Variants in TUBB observed in about 807,000 individuals in gnomAD.
TUBB encodes the protein tubulin beta class I.
TUBB carries 2 observed loss-of-function variants against 35.1 expected under a neutral mutation model. The observed-to-expected ratio is 0.06, with a 90% CI of 0.02 to 0.18. The LOEUF is 0.18. TUBB is among the 10% of genes least tolerant of loss of function. The pLI, the probability that TUBB is intolerant of heterozygous loss-of-function variation, is 1.00. For missense variants in TUBB, 50 were observed against 599.4 expected, an observed-to-expected ratio of 0.08 and a Z score of 9.57; for synonymous variants, 205 against 223.8, an observed-to-expected ratio of 0.92 and a Z score of 0.75.
Position 30,724,145 on chromosome 6 carries a change from C to T in TUBB, c.1083C>T (p.Leu361=), listed in dbSNP as rs1299358743. Residue 361 remains leucine (L), a synonymous_variant, in exon 4 of 4, where the codon CTC becomes CTT. Coordinates refer to ENST00000327892, the MANE Select transcript of TUBB (RefSeq NM_178014.4). The surrounding 1 kb of genome is among the most constrained non-coding windows in gnomAD (Gnocchi z 4.4). Reference sequence around the variant, plus strand: ...TCTGTGACATCCCACCTCGTGGCCTCAAGATGGCAGTCACCTTCATTGGCA... The same window carrying T: ...TCTGTGACATCCCACCTCGTGGCCTTAAGATGGCAGTCACCTTCATTGGCA... ...TAVCDIPPRG[L]KMAVTFIGNS... is the part of the protein sequence containing the mutation. The T allele has an allele frequency of 1.2e-6, 2 of 1,614,100 alleles. No homozygotes were observed. The highest frequency in any genetic ancestry group is 2.2e-5 in the East Asian group (1 of 44,888).
intron 2 of TUBB, 108 bp from the exon 3 acceptor site, chr6:30,722,810 C>T (rs1329208974): frequency 2.6e-6 from 3 of 1,161,118 alleles, no homozygotes; most frequent in East Asian, 2.4e-5. Flanking sequence ...CACCTGGTGG[C>T]GGGACCTGGA....
At chr6:30,720,671 C>A (rs919319913) in intron 1 of TUBB, 108 bp downstream of exon 1, 3 of 971,038 alleles carry the variant, frequency 3.1e-6, no homozygotes, top group Non-Finnish European at 4.7e-6. Context: ...TCAAGATTTG[C>A]CCCTCTCAAG....
chr6:30,722,777 T>C, intron 2 of TUBB, 132 bp downstream of exon 2: 1 of 1,123,412 alleles, frequency 8.9e-7, no homozygotes, highest in East Asian at 2.5e-5. Context: ...TGAACCACCG[T>C]CGGGGCCAAA....
At chr6:30,722,815 C>A in intron 2 of TUBB, 103 bp from the exon 3 acceptor site, 1 of 1,183,764 alleles carries the variant, frequency 8.4e-7, no homozygotes, top group Non-Finnish European at 1.2e-6. Flanking sequence ...GGTGGCGGGA[C>A]CTGGAATGAC....
chr6:30,720,569 A>T lies in TUBB; in HGVS notation c.57+6A>T. 1 of 1,609,060 alleles carries T rather than the reference A, an allele frequency of 6.2e-7. No individual in the cohort carries two copies. The highest frequency in any genetic ancestry group is 8.5e-7 in the Non-Finnish European group (1 of 1,178,104). On this transcript the variant is annotated splice_donor_region_variant and intron_variant, in intron 1 of 3. Transcript: ENST00000327892. ...GCAACCAGATCGGTGCCAAGGTAAG[A>T]ATTTTACACCTCTTTTATTTCTTTT...
chr6:30,721,529 C>G (rs1445907375), intron 1 of TUBB: 2 of 984,746 alleles, frequency 2.0e-6, no homozygotes, highest in African/African-American at 3.5e-5. Context: ...ATTTTTGTCC[C>G]TGGCCCCGCC....
rs543550861 is a variant in TUBB at position 30,720,370 on chromosome 6, C to T, written c.-137C>T. 369 of 808,004 alleles carry T rather than the reference C, an allele frequency of 4.6e-4. No individual in the cohort carries two copies. Among genetic ancestry groups the T allele is most frequent in the Non-Finnish European group, 7.0e-4 (330 of 468,318 alleles). The allele number at this position is 808,004 out of a possible 1,614,324, so 50.1% of individuals were successfully genotyped here. Reference sequence around the variant, plus strand: ...TTTCTCCCTCTCAGAACCTTCCTGCCGTCGCGTTTGCACCTCGCTGCTCCA... The same window carrying T: ...TTTCTCCCTCTCAGAACCTTCCTGCTGTCGCGTTTGCACCTCGCTGCTCCA... On this transcript the variant is annotated 5_prime_UTR_variant, in exon 1 of 4. Coordinates refer to ENST00000327892, the MANE Select transcript of TUBB (RefSeq NM_178014.4).
In TUBB at chr6:30,724,163, C is replaced by T. The variant is rs760402605; in HGVS notation, c.1101C>T (p.Phe367=). ...PPRGLKMAVT[F]IGNSTAIQEL... is the part of the protein sequence containing the mutation. ...GTGGCCTCAAGATGGCAGTCACCTTCATTGGCAATAGCACAGCCATCCAGG... is the reference window on the plus strand; with the variant it reads ...GTGGCCTCAAGATGGCAGTCACCTTTATTGGCAATAGCACAGCCATCCAGG... The change falls in exon 4 of 4, where the codon TTC becomes TTT. Residue 367 remains phenylalanine, a synonymous_variant. Transcript: ENST00000327892. The surrounding 1 kb of genome is among the most constrained non-coding windows in gnomAD (Gnocchi z 4.4). The T allele has an allele frequency of 1.9e-6, 3 of 1,614,114 alleles. No homozygotes were observed. The highest frequency in any genetic ancestry group is 1.1e-5 in the South Asian group (1 of 91,080).
At chr6:30,723,072 T>C (rs1317651751) in intron 3 of TUBB, 44 bp downstream of exon 3, 1 of 1,493,708 alleles carries the variant, frequency 6.7e-7, no homozygotes, top group Admixed American at 1.8e-5. Flanking sequence ...ACCATCGTGT[T>C]CAACTTATTT....
intron 1 of TUBB, 47 bp from the exon 2 acceptor site, chr6:30,722,490 T>G: frequency 7.7e-7 from 1 of 1,298,108 alleles, no homozygotes; most frequent in South Asian, 1.2e-5. Flanking sequence ...GGGGACATAG[T>G]TGGCTGGGAC....
At position 30,720,575 on chromosome 6, in the gene TUBB, A is replaced by G; in HGVS notation, c.57+12A>G. 4.4e-6 allele frequency: 7 copies of G among 1,607,400 alleles called. No individual in the cohort carries two copies. The highest frequency in any genetic ancestry group is 5.9e-6 in the Non-Finnish European group (7 of 1,177,328). ...AGATCGGTGCCAAGGTAAGAATTTT[A>G]CACCTCTTTTATTTCTTTTTACAAG... On this transcript the variant is annotated intron_variant, in intron 1 of 3. Transcript: ENST00000327892.
At chr6:30,721,886 A>G in intron 1 of TUBB, 1 of 984,936 alleles carries the variant, frequency 1.0e-6, no homozygotes, top group Non-Finnish European at 1.2e-6. Flanking sequence ...AAAATGGGAG[A>G]TGTGGGGCCG....
At position 30,723,819 on chromosome 6, in the gene TUBB, T is replaced by C. The variant is rs761184651; in HGVS notation, c.757T>C (p.Leu253=). The part of the protein sequence containing the change: ...PGQLNADLRK[L]AVNMVPFPRL... ...CCAGCTCAATGCTGACCTCCGCAAG[T>C]TGGCAGTCAACATGGTCCCCTTCCC... Residue 253 remains leucine, a synonymous_variant, in exon 4 of 4, where the codon TTG becomes CTG. Transcript: ENST00000327892. 18 of 1,613,990 alleles carry C rather than the reference T, an allele frequency of 1.1e-5. No individual in the cohort carries two copies. The highest frequency in any genetic ancestry group is 1.2e-5 in the Non-Finnish European group (14 of 1,180,002).
At chr6:30,721,513 C>G in intron 1 of TUBB, 2 of 979,308 alleles carry the variant, frequency 2.0e-6, no homozygotes, top group African/African-American at 1.8e-5. Context: ...GCCCCTCGCG[C>G]GCGGAATTTT....
At chr6:30,721,520 T>G (rs1776248717) in intron 1 of TUBB, 1 of 983,590 alleles carries the variant, frequency 1.0e-6, no homozygotes, top group Non-Finnish European at 1.2e-6. Context: ...GCGCGCGGAA[T>G]TTTTGTCCCT....
At position 30,720,472 on chromosome 6, in the gene TUBB, T is replaced by A. The variant is rs907550336; in HGVS notation, c.-35T>A. The A allele has an allele frequency of 4.3e-6, 7 of 1,611,600 alleles. No individual in the cohort carries two copies. The Admixed American group carries it at 6.7e-5, about 15-fold the overall frequency. On this transcript the variant is annotated 5_prime_UTR_variant, in exon 1 of 4. Transcript: ENST00000327892. ...ATTACTTATTTTCTTGCCCCATACA[T>A]ACCTTGAGGCGAGCAAAAAAATTAA...
chr6:30,720,962 C>T (rs1329690567), intron 1 of TUBB, among the ~76,000 whole-genome samples: 1 of 151,934 alleles, frequency 6.6e-6, no homozygotes, highest in Non-Finnish European at 1.5e-5. Context: ...AGGGCCAAAC[C>T]GGAGCGGGAA....
In TUBB at chr6:30,724,470, C is replaced by G. The variant is rs1432855967; in HGVS notation, c.*73C>G. ...ACTCAACTGCCCCTTTCCTCTCCCT[C>G]AGAATTTGTGTTTGCTGCCTCTATC... On this transcript the variant is annotated 3_prime_UTR_variant, in exon 4 of 4. Transcript: ENST00000327892. This position sits in a 1 kb window ranked among gnomAD's most constrained non-coding sequence, Gnocchi z 4.4. 4 of 1,395,814 alleles carry G rather than the reference C, an allele frequency of 2.9e-6. No homozygotes were observed. Among genetic ancestry groups the G allele is most frequent in the South Asian group, 1.4e-5 (1 of 72,144 alleles). The allele number at this position is 1,395,814 out of a possible 1,614,324, so 86.5% of individuals were successfully genotyped here. A position where few individuals can be genotyped will look rare whatever the true frequency, so the allele number is the denominator to read the frequency against.
At position 30,722,527 on chromosome 6, in the gene TUBB, C is replaced by T; in HGVS notation, c.58-10C>T. On this transcript the variant is annotated splice_polypyrimidine_tract_variant and intron_variant, in intron 1 of 3. Coordinates refer to ENST00000327892, the MANE Select transcript of TUBB (RefSeq NM_178014.4). ...TGACCTGTTGTGGTCTCGTTGCTCC[C>T]CCTCGGCAGTTCTGGGAGGTGATCA... is the stretch of plus-strand genomic sequence containing the variant. The T allele has an allele frequency of 6.2e-7, 1 of 1,608,776 alleles. No homozygotes were observed. The highest frequency in any genetic ancestry group is 8.5e-7 in the Non-Finnish European group (1 of 1,175,456).
Sources: allele counts gnomAD v4.1 joint callset (sites outside exome capture counted in the v4.1 genomes callset), GRCh38; gene constraint gnomAD v4.1.1; non-coding constraint Gnocchi (gnomAD v3.1); transcripts MANE v1.5; gene names NCBI Gene and HGNC (gene_info 2026-07-23, HGNC 2026-07-21).